RUNDC3B: variants seen among roughly 807,000 people sequenced by gnomAD.
RUNDC3B encodes RUN domain-containing protein 3B.
A neutral mutation model predicts 58.4 loss-of-function variants in RUNDC3B; 33 were observed. That is an observed-to-expected ratio of 0.56 (90% CI 0.43 to 0.75). The LOEUF (loss-of-function observed/expected upper bound fraction) is 0.75. RUNDC3B is among the 30% of genes least tolerant of loss of function. RUNDC3B has a pLI of 0.00. For missense variants in RUNDC3B, 501 were observed against 535.7 expected (o/e 0.94, Z 0.64); for synonymous variants, 193 against 195.2 (o/e 0.99, Z 0.10).
rs957784588 is a variant in RUNDC3B at position 87,831,614 on chromosome 7, A to G, written c.*1584A>G. On this transcript the variant is annotated 3_prime_UTR_variant, in exon 11 of 11. Coordinates refer to ENST00000394654, the MANE Select transcript of RUNDC3B (RefSeq NM_001134405.2). Reference sequence around the variant, plus strand: ...AGAAATGATACATTTTTTGTTCTCAATTTCTCAATTCTACATACCTGATTA... The same window carrying G: ...AGAAATGATACATTTTTTGTTCTCAGTTTCTCAATTCTACATACCTGATTA... 2.0e-5 allele frequency: 3 copies of G among 151,904 alleles called. No homozygotes were observed. The highest frequency in any genetic ancestry group is 2.1e-4 in the South Asian group (1 of 4,830). The allele number at this position is 151,904 out of a possible 1,614,324, so 9.4% of individuals were successfully genotyped here. A position where few individuals can be genotyped will look rare whatever the true frequency, so the allele number is the denominator to read the frequency against.
rs1005794076 is a variant in RUNDC3B, at chr7:87,783,613, A to G, written c.956+5658A>G. On this transcript the variant is annotated intron_variant, in intron 8 of 10. Coordinates refer to ENST00000394654, the MANE Select transcript of RUNDC3B (RefSeq NM_001134405.2). ...ATAGGGTCTGCAGGCTATGTATTTA[A>G]GTGTGTTTTTGTGGTAGTACATATT... Among the ~76,000 whole-genome samples, 6 of 152,180 alleles carry G rather than the reference A, an allele frequency of 3.9e-5. 1 individual carries two copies. The Middle Eastern group carries it at 0.01, about 259-fold the overall frequency.
At chr7:87,706,680 A>C (rs1829621059) in intron 3 of RUNDC3B, among the ~76,000 whole-genome samples, 1 of 152,230 alleles carries the variant, frequency 6.6e-6, no homozygotes. Context: ...TCCTAGGTAT[A>C]GAGACTAAGC....
chr7:87,726,426 G>T (rs1584017955), intron 4 of RUNDC3B, among the ~76,000 whole-genome samples: 1 of 152,012 alleles, frequency 6.6e-6, no homozygotes. Flanking sequence ...ATTTCTGAGG[G>T]CTCTGTTCTG....
intron 1 of RUNDC3B, among the ~76,000 whole-genome samples, chr7:87,647,588 T>C (rs1403467323): frequency 6.6e-6 from 1 of 152,202 alleles, no homozygotes; most frequent in African/African-American, 2.4e-5. Flanking sequence ...ATGCAGGCAG[T>C]TCTTACTTTG....
intron 1 of RUNDC3B, among the ~76,000 whole-genome samples, chr7:87,634,909 T>C (rs921445365): frequency 6.6e-6 from 1 of 152,282 alleles, no homozygotes; most frequent in Admixed American, 6.5e-5. Context: ...ACAATGGAGG[T>C]AGGATGATCC....
intron 2 of RUNDC3B, among the ~76,000 whole-genome samples, chr7:87,670,811 G>T (rs1825750440): frequency 6.6e-6 from 1 of 152,170 alleles, no homozygotes; most frequent in Non-Finnish European, 1.5e-5. Context: ...TGGTCAGTTG[G>T]TAGACTTGTT....
chr7:87,773,973 C>T (rs893304295), intron 7 of RUNDC3B, among the ~76,000 whole-genome samples: 14 of 151,952 alleles, frequency 9.2e-5, no homozygotes, highest in Admixed American at 2.0e-4. Context: ...CCACCGCACC[C>T]GGCCAATCTT....
intron 7 of RUNDC3B, among the ~76,000 whole-genome samples, chr7:87,777,036 T>C (rs1834673971): frequency 6.6e-6 from 1 of 152,114 alleles, no homozygotes; most frequent in Non-Finnish European, 1.5e-5. Flanking sequence ...AGAAATTTAG[T>C]ACAAAGGGTT....
At chr7:87,805,610 T>C (rs1175870649) in intron 8 of RUNDC3B, among the ~76,000 whole-genome samples, 1 of 152,208 alleles carries the variant, frequency 6.6e-6, no homozygotes, top group Non-Finnish European at 1.5e-5. Flanking sequence ...GAACTTCAGT[T>C]CTCTTTTCCA....
chr7:87,723,959 C>T (rs779127695), intron 4 of RUNDC3B, among the ~76,000 whole-genome samples: 15 of 152,154 alleles, frequency 9.9e-5, no homozygotes, highest in African/African-American at 2.2e-4. Context: ...TGGTGGCTCA[C>T]GCCTGTAATT....
intron 10 of RUNDC3B, among the ~76,000 whole-genome samples, chr7:87,820,778 A>T (rs1319089144): frequency 6.6e-6 from 1 of 151,306 alleles, no homozygotes; most frequent in East Asian, 1.9e-4. Context: ...ACAGAACCAA[A>T]GACAAAAACC....
At chr7:87,788,727 T>C (rs1383823819) in intron 8 of RUNDC3B, among the ~76,000 whole-genome samples, 1 of 151,612 alleles carries the variant, frequency 6.6e-6, no homozygotes, top group Non-Finnish European at 1.5e-5. Context: ...TTTTCTTTTC[T>C]TTTTTTATTA....
At chr7:87,788,703 C>CTTTTTTTTTTTTTTTTT (rs5885597) in intron 8 of RUNDC3B, among the ~76,000 whole-genome samples, 6 of 128,296 alleles carry the variant, frequency 4.7e-5, no homozygotes, top group South Asian at 2.5e-4. Context: ...CTTTTCAAAA[C>CTTTTTTTTTTTTTTTTT]TTTTTTTTTT....
chr7:87,706,394 T>C (rs993592327), intron 3 of RUNDC3B, among the ~76,000 whole-genome samples: 11 of 152,052 alleles, frequency 7.2e-5, no homozygotes, highest in Non-Finnish European at 1.3e-4. Context: ...AGAGAATTTA[T>C]TGAGAAGGGT....
intron 10 of RUNDC3B, among the ~76,000 whole-genome samples, chr7:87,819,693 G>A (rs959455173): frequency 6.6e-6 from 1 of 152,202 alleles, no homozygotes; most frequent in African/African-American, 2.4e-5. Context: ...CTGTCTCTCA[G>A]ACCACAGTGC....
intron 4 of RUNDC3B, among the ~76,000 whole-genome samples, chr7:87,731,281 C>T (rs1004200643): frequency 6.6e-6 from 1 of 151,828 alleles, no homozygotes; most frequent in Non-Finnish European, 1.5e-5. Flanking sequence ...GAGATATACA[C>T]AAAATATAAA....
chr7:87,773,653 C>CTTGTTTTGTT (rs1387049719), intron 7 of RUNDC3B, among the ~76,000 whole-genome samples: 1 of 133,354 alleles, frequency 7.5e-6, no homozygotes, highest in Non-Finnish European at 1.6e-5. Flanking sequence ...TTGTTTTTGT[C>CTTGTTTTGTT]TTGTCTTGTT....
intron 5 of RUNDC3B, 73 bp from the exon 6 acceptor site, chr7:87,741,426 A>AT (rs754934964): frequency 5.7e-6 from 5 of 871,456 alleles, no homozygotes; most frequent in Non-Finnish European, 8.6e-6. Flanking sequence ...CTGGCAAGAG[A>AT]TTTTTCATGA....
intron 4 of RUNDC3B, among the ~76,000 whole-genome samples, chr7:87,711,110 TGAG>T (rs1830040162): frequency 6.6e-6 from 1 of 152,078 alleles, no homozygotes; most frequent in Non-Finnish European, 1.5e-5. Flanking sequence ...GCAGATCACC[TGAG>T]GTCTGGAGTT....
Sources: allele counts gnomAD v4.1 joint callset (sites outside exome capture counted in the v4.1 genomes callset), GRCh38; gene constraint gnomAD v4.1.1; transcripts MANE v1.5; gene names NCBI Gene and HGNC (gene_info 2026-07-23, HGNC 2026-07-21).